The following ITGA11 variants were observed in gnomAD, a reference collection of about 807,000 sequenced individuals.
ITGA11 encodes integrin subunit alpha 11.
In ITGA11, 97 loss-of-function variants were observed where a neutral mutation model predicts 141.9. That is an observed-to-expected ratio of 0.68 (90% confidence interval 0.58 to 0.81). The LOEUF is 0.81. ITGA11 is among the 30% of genes least tolerant of loss of function. ITGA11 has a pLI of 0.00. For missense variants in ITGA11, 1,387 were observed against 1,559.2 expected (o/e 0.89, Z 1.86); for synonymous variants, 658 against 624.6 (o/e 1.05, Z -0.80).
intron 4 of ITGA11, 47 bp downstream of exon 4, chr15:68,364,660 C>T: frequency 7.7e-7 from 1 of 1,303,454 alleles, no homozygotes; most frequent in South Asian, 1.2e-5. Flanking sequence ...CCTCCCCACC[C>T]CCACCCCTGC....
intron 1 of ITGA11, among the ~76,000 whole-genome samples, chr15:68,418,674 T>C (rs1386713354): frequency 6.7e-6 from 1 of 149,846 alleles, no homozygotes; most frequent in Non-Finnish European, 1.5e-5. Context: ...CAGCTGTACG[T>C]GGCGGCCCTG....
chr15:68,319,551 A>G (rs1394675380), intron 20 of ITGA11, among the ~76,000 whole-genome samples: 2 of 152,192 alleles, frequency 1.3e-5, no homozygotes, highest in African/African-American at 2.4e-5. Flanking sequence ...GAATGCCACA[A>G]TGAGGAGCCT....
intron 12 of ITGA11, 124 bp from the exon 13 acceptor site, chr15:68,332,602 G>T: frequency 9.2e-7 from 1 of 1,086,784 alleles, no homozygotes; most frequent in Non-Finnish European, 1.3e-6. Flanking sequence ...GTGAACAAAT[G>T]GATCCTCCCT....
rs1336108842 is a variant in ITGA11, at chr15:68,328,479, C to T, written c.1902-217G>A. Among the ~76,000 whole-genome samples, 2 of 152,186 alleles carry T rather than the reference C, an allele frequency of 1.3e-5. No homozygotes were observed. The highest frequency in any genetic ancestry group is 3.9e-4 in the East Asian group (2 of 5,194). On this transcript the variant is annotated intron_variant, in intron 15 of 29. Transcript: ENST00000315757. The surrounding 1 kb of genome is among the most constrained non-coding windows in gnomAD (Gnocchi z 4.8). ...CGGGGCGAAAGGGGCTCAGCCACCT[C>T]ATGGCCCCTCCATGCAGCCCCTCAG...
At chr15:68,416,048 A>G (rs193286845) in intron 1 of ITGA11, among the ~76,000 whole-genome samples, 2 of 152,248 alleles carry the variant, frequency 1.3e-5, no homozygotes, top group Admixed American at 1.3e-4. Context: ...ACCTTGGAGC[A>G]CCCTGACCCT....
chr15:68,352,928 G>T (rs543680536), intron 7 of ITGA11, among the ~76,000 whole-genome samples: 42 of 152,280 alleles, frequency 2.8e-4, no homozygotes, highest in African/African-American at 1.0e-3. Context: ...AGACCATGAG[G>T]TTCTGAGGGG....
chr15:68,407,140 G>A (rs560174747), intron 1 of ITGA11, among the ~76,000 whole-genome samples: 1 of 152,264 alleles, frequency 6.6e-6, no homozygotes, highest in African/African-American at 2.4e-5. Context: ...TTGGGTTCCA[G>A]CAGGGAGACG....
rs1011805093 is a variant in ITGA11, at chr15:68,300,301, C to G, written c.*2758G>C. ...AGGCACAGTGGGCTTGGGCACAACC[C>G]CCTCTTTCTTCATCTTACAGCCTGG... On this transcript the variant is annotated 3_prime_UTR_variant, in exon 30 of 30. Coordinates refer to ENST00000315757, the MANE Select transcript of ITGA11 (RefSeq NM_001004439.2). 5 of 152,176 alleles carry G rather than the reference C, an allele frequency of 3.3e-5. No individual in the cohort carries two copies. The highest frequency in any genetic ancestry group is 1.2e-4 in the African/African-American group (5 of 41,432). 9.4% of individuals were successfully genotyped at this position (152,176 alleles called of 1,614,324 possible).
intron 2 of ITGA11, among the ~76,000 whole-genome samples, chr15:68,396,583 T>C (rs1248626453): frequency 6.6e-6 from 1 of 151,216 alleles, no homozygotes; most frequent in Non-Finnish European, 1.5e-5. Flanking sequence ...CCAGTGCAAT[T>C]AGAAAAATAA....
intron 1 of ITGA11, among the ~76,000 whole-genome samples, chr15:68,406,907 C>T (rs1230556525): frequency 2.0e-5 from 3 of 152,230 alleles, no homozygotes; most frequent in Non-Finnish European, 4.4e-5. Flanking sequence ...CCCCATGAGA[C>T]AGATACAATC....
chr15:68,352,088 ACAAACAAACAAC>A (rs796291968), intron 7 of ITGA11, among the ~76,000 whole-genome samples: 905 of 35,574 alleles, frequency 0.025, 16 homozygotes, highest in African/African-American at 0.069. Context: ...CTCAAAACAA[ACAAACAAACAAC>A]CAAACAAACA....
chr15:68,365,573 T>TGC (rs1474362915), intron 3 of ITGA11: 3 of 142,302 alleles, frequency 2.1e-5, no homozygotes, highest in African/African-American at 7.8e-5. Context: ...TGTGTGTGTG[T>TGC]GCACGTGTAC....
intron 22 of ITGA11, 105 bp from the exon 23 acceptor site, chr15:68,313,973 G>C: frequency 1.2e-6 from 1 of 850,452 alleles, no homozygotes; most frequent in Non-Finnish European, 1.9e-6. Context: ...CTTATCTGGG[G>C]CTGATGGGCA....
intron 2 of ITGA11, among the ~76,000 whole-genome samples, chr15:68,371,132 T>C (rs1895576539): frequency 6.6e-6 from 1 of 152,216 alleles, no homozygotes. Context: ...CATCTGTTTG[T>C]CTAGACGAGG....
In ITGA11 at chr15:68,325,811, C is replaced by T. The variant is rs1166238850; in HGVS notation, c.2212-570G>A. Among the ~76,000 whole-genome samples the T allele has an allele frequency of 6.6e-6, 1 of 152,188 alleles. No individual in the cohort carries two copies. Among genetic ancestry groups the T allele is most frequent in the African/African-American group, 2.4e-5 (1 of 41,446 alleles). On this transcript the variant is annotated intron_variant, in intron 17 of 29. Coordinates refer to ENST00000315757, the MANE Select transcript of ITGA11 (RefSeq NM_001004439.2). The surrounding 1 kb of genome is among the most constrained non-coding windows in gnomAD (Gnocchi z 5.5). ...TGGTAAGTAAAGGGGTTGCTTAGAG[C>T]AGCCTAAAAATTTCCCCTTGGAACC... is the stretch of plus-strand genomic sequence containing the variant.
chr15:68,371,952 C>T lies in ITGA11; in HGVS notation c.165-2668G>A, dbSNP rs548209606. 1.0e-3 allele frequency among the ~76,000 whole-genome samples: 158 copies of T among 152,224 alleles called. 1 individual carries two copies. The highest frequency in any genetic ancestry group is 6.0e-4 in the Non-Finnish European group (41 of 68,002). On this transcript the variant is annotated intron_variant, in intron 2 of 29. Transcript: ENST00000315757. ...GGGTCCCATCTCCACTCTCCCAGACCTCATTTCTCTGGGAGTCCATAGTAC... is the reference window on the plus strand; with the variant it reads ...GGGTCCCATCTCCACTCTCCCAGACTTCATTTCTCTGGGAGTCCATAGTAC...
chr15:68,401,275 A>G (rs923900535), intron 2 of ITGA11, among the ~76,000 whole-genome samples: 1 of 152,096 alleles, frequency 6.6e-6, no homozygotes, highest in Non-Finnish European at 1.5e-5. Context: ...AAATTGGTAA[A>G]CCACTTTGAA....
intron 3 of ITGA11, among the ~76,000 whole-genome samples, chr15:68,368,859 C>CTTTTTTTTTT (rs1491217604): frequency 1.4e-5 from 1 of 69,002 alleles, no homozygotes; most frequent in African/African-American, 5.6e-5. Context: ...GACAGGAAGT[C>CTTTTTTTTTT]CTTTTTTTTT....
intron 2 of ITGA11, among the ~76,000 whole-genome samples, chr15:68,401,896 C>T (rs774948033): frequency 5.3e-5 from 8 of 151,984 alleles, no homozygotes; most frequent in East Asian, 1.9e-4. Flanking sequence ...AAAAAGAATA[C>T]GAGAGAATTA....
Sources: allele counts gnomAD v4.1 joint callset (sites outside exome capture counted in the v4.1 genomes callset), GRCh38; gene constraint gnomAD v4.1.1; non-coding constraint Gnocchi (gnomAD v3.1); transcripts MANE v1.5; gene names NCBI Gene and HGNC (gene_info 2026-07-23, HGNC 2026-07-21).